GNAI2: variants seen among roughly 807,000 people sequenced by gnomAD.
GNAI2 encodes guanine nucleotide-binding protein G(i) subunit alpha-2.
GNAI2 carries 4 observed loss-of-function variants against 36.8 expected under a neutral mutation model. That is an observed-to-expected ratio of 0.11 (90% CI 0.05 to 0.25). The LOEUF (loss-of-function observed/expected upper bound fraction) is 0.25, where lower values mean the gene tolerates loss of function less well. Among genes scored for constraint, GNAI2 ranks in the 10% least tolerant of loss-of-function variants. GNAI2 has a pLI of 1.00. For synonymous variants in GNAI2, 194 were observed against 194.1 expected (o/e 1.00, Z 0.01); for missense variants, 230 against 481.3 (o/e 0.48, Z 4.89).
chr3:50,232,689 T>G (rs1286946926), upstream of GNAI2, among the ~76,000 whole-genome samples: 2 of 152,178 alleles, frequency 1.3e-5, no homozygotes, highest in Non-Finnish European at 2.9e-5. Flanking sequence ...GGGGGTGATG[T>G]GATTTCTTTC....
rs1553700342 is a variant in GNAI2 at position 50,236,304 on chromosome 3, G to T, written c.-32G>T. 1.5e-6 allele frequency: 2 copies of T among 1,337,438 alleles called. No homozygotes were observed. The highest frequency in any genetic ancestry group is 1.9e-6 in the Non-Finnish European group (2 of 1,045,838). 82.8% of individuals were successfully genotyped at this position (1,337,438 alleles called of 1,614,324 possible). ...GAGCCGGGCCGTGGGCCGTGTGGGGGCCGGGCGGCGGCCGGGCCGGCGGAC... is the reference window on the plus strand; with the variant it reads ...GAGCCGGGCCGTGGGCCGTGTGGGGTCCGGGCGGCGGCCGGGCCGGCGGAC... On this transcript the variant is annotated 5_prime_UTR_variant, in exon 1 of 9. Coordinates refer to ENST00000313601, the MANE Select transcript of GNAI2 (RefSeq NM_002070.4). The surrounding 1 kb of genome is among the most constrained non-coding windows in gnomAD (Gnocchi z 4.0).
rs1553702541 is a variant in GNAI2 at position 50,252,126 on chromosome 3, A to T, written c.145A>T (p.Ile49Phe). The T allele has an allele frequency of 6.2e-7, 1 of 1,613,926 alleles. No individual in the cohort carries two copies. ...LGAGESGKST[I>F]VKQMKIIHED... ...TGCTGGGGAGTCAGGGAAGAGCACC[A>T]TCGTCAAGCAGATGAAGTAAGTGCT... Residue 49 changes from isoleucine to phenylalanine, a missense_variant, in exon 2 of 9, where the codon ATC becomes TTC. Ile to Phe is a conservative substitution (Grantham distance 21, BLOSUM62 0). This residue lies in a region of GNAI2 where 132 missense variants were observed against 247.4 expected (regional missense o/e 0.53). Transcript: ENST00000313601. This position sits in a 1 kb window ranked among gnomAD's most constrained non-coding sequence, Gnocchi z 4.1.
At position 50,242,330 on chromosome 3, in the gene GNAI2, C is replaced by T. The variant is rs182908211; in HGVS notation, c.118+5877C>T. Among the ~76,000 whole-genome samples, 5 of 152,104 alleles carry T rather than the reference C, an allele frequency of 3.3e-5. No homozygotes were observed. The highest frequency in any genetic ancestry group is 7.4e-5 in the Non-Finnish European group (5 of 68,008). On this transcript the variant is annotated intron_variant, in intron 1 of 8. Coordinates refer to ENST00000313601, the MANE Select transcript of GNAI2 (RefSeq NM_002070.4). The surrounding 1 kb of genome is among the most constrained non-coding windows in gnomAD (Gnocchi z 4.8). ...CAAGGTACAGGCCAGGGAGTAGTCT[C>T]ATCTTCCCAGCATCTCAGGCCAGGA...
intron 5 of GNAI2, 198 bp from the exon 6 acceptor site, chr3:50,256,525 G>A (rs1224198769): frequency 4.2e-6 from 3 of 709,124 alleles, no homozygotes; most frequent in Non-Finnish European, 7.3e-6. Context: ...TGCTGCTCCT[G>A]CCTGATGTGG....
At chr3:50,249,133 A>ATGCCCTGGGTAGCTTCCCTGCTGAGTCTG (rs1559771598) in intron 1 of GNAI2, among the ~76,000 whole-genome samples, 7 of 152,120 alleles carry the variant, frequency 4.6e-5, no homozygotes, top group Admixed American at 3.9e-4. Flanking sequence ...CAGGTCCCCC[A>ATGCCCTGGGTAGCTTCCCTGCTGAGTCTG]TGCCCTGGGT....
chr3:50,248,812 C>G (rs1700479756), intron 1 of GNAI2, among the ~76,000 whole-genome samples: 1 of 152,026 alleles, frequency 6.6e-6, no homozygotes, highest in Admixed American at 6.5e-5. Context: ...GAAAATGAAA[C>G]TTGAAGGGGA....
At position 50,236,423 on chromosome 3, in the gene GNAI2, G is replaced by A. The variant is rs781887853; in HGVS notation, c.88G>A (p.Ala30Thr). 2.5e-6 allele frequency: 4 copies of A among 1,579,658 alleles called. No homozygotes were observed. The highest frequency in any genetic ancestry group is 3.4e-6 in the Non-Finnish European group (4 of 1,165,996). ...GAACCTGCGGGAGGACGGAGAGAAG[G>A]CGGCGCGGGAGGTGAAGTTGCTGCT... ...DKNLREDGEK[A>T]AREVKLLLLG... The change falls in exon 1 of 9, where the codon GCG (alanine) becomes ACG (threonine). Residue 30 changes from alanine to threonine, a missense_variant. Ala to Thr is a moderately conservative substitution (Grantham distance 58). Coordinates refer to ENST00000313601, the MANE Select transcript of GNAI2 (RefSeq NM_002070.4). The surrounding 1 kb of genome is among the most constrained non-coding windows in gnomAD (Gnocchi z 4.0).
At position 50,241,716 on chromosome 3, in the gene GNAI2, G is replaced by C. The variant is rs112486347; in HGVS notation, c.118+5263G>C. Among the ~76,000 whole-genome samples, 1 of 152,202 alleles carries C rather than the reference G, an allele frequency of 6.6e-6. No individual in the cohort carries two copies. Among genetic ancestry groups the C allele is most frequent in the African/African-American group, 2.4e-5 (1 of 41,444 alleles). On this transcript the variant is annotated intron_variant, in intron 1 of 8. Coordinates refer to ENST00000313601, the MANE Select transcript of GNAI2 (RefSeq NM_002070.4). The surrounding 1 kb of genome is among the most constrained non-coding windows in gnomAD (Gnocchi z 5.0). ...AAGTCAAACCAGTTGCGGGACACAGGCTTCCATGTCAGAAGCCCTGAGGCA... is the reference window on the plus strand; with the variant it reads ...AAGTCAAACCAGTTGCGGGACACAGCCTTCCATGTCAGAAGCCCTGAGGCA...
At chr3:50,244,782 G>A (rs1700377565) in intron 1 of GNAI2, among the ~76,000 whole-genome samples, 1 of 152,174 alleles carries the variant, frequency 6.6e-6, no homozygotes. Context: ...GCCAGGCCAG[G>A]CCGTAAGGGA....
At chr3:50,237,827 A>AT (rs1429078723) in intron 1 of GNAI2, among the ~76,000 whole-genome samples, 1 of 151,592 alleles carries the variant, frequency 6.6e-6, no homozygotes, top group Non-Finnish European at 1.5e-5. Context: ...TGAGAAGTGC[A>AT]TGGGGGGGTG....
At chr3:50,248,487 A>G (rs1453176116) in intron 1 of GNAI2, among the ~76,000 whole-genome samples, 1 of 152,082 alleles carries the variant, frequency 6.6e-6, no homozygotes, top group African/African-American at 2.4e-5. Flanking sequence ...CATTCCACCC[A>G]GATGCCATCC....
intron 1 of GNAI2, chr3:50,231,096 A>G (rs1700059178): frequency 4.9e-6 from 1 of 203,576 alleles, no homozygotes; most frequent in Non-Finnish European, 8.7e-6. Context: ...GTACTCTTCC[A>G]TCTTCTTGCA....
rs1399134862 is a variant in GNAI2, at chr3:50,253,546, C to T, written c.464+362C>T. Among the ~76,000 whole-genome samples, 1 of 152,138 alleles carries T rather than the reference C, an allele frequency of 6.6e-6. No individual in the cohort carries two copies. Among genetic ancestry groups the T allele is most frequent in the Non-Finnish European group, 1.5e-5 (1 of 68,034 alleles). On this transcript the variant is annotated intron_variant, in intron 4 of 8. Coordinates refer to ENST00000313601, the MANE Select transcript of GNAI2 (RefSeq NM_002070.4). This position sits in a 1 kb window ranked among gnomAD's most constrained non-coding sequence, Gnocchi z 4.2. ...GGTCGTGAGATCAGGAGATCGAGAC[C>T]ATCCTGGCTAACACGGTGAAACCCC... is the stretch of plus-strand genomic sequence containing the variant.
intron 1 of GNAI2, among the ~76,000 whole-genome samples, chr3:50,248,244 CTG>C (rs1700467512): frequency 6.6e-6 from 1 of 152,020 alleles, no homozygotes; most frequent in Non-Finnish European, 1.5e-5. Flanking sequence ...CAGAGCGAGA[CTG>C]TGTTTCAAAA....
At chr3:50,246,733 G>T (rs1046741713) in intron 1 of GNAI2, among the ~76,000 whole-genome samples, 2 of 152,272 alleles carry the variant, frequency 1.3e-5, no homozygotes, top group Non-Finnish European at 2.9e-5. Flanking sequence ...ACCAGTATGG[G>T]GGTTCTCTCC....
chr3:50,231,221 C>T (rs1700060459), upstream of GNAI2, among the ~76,000 whole-genome samples: 2 of 152,240 alleles, frequency 1.3e-5, no homozygotes, highest in African/African-American at 4.8e-5. Context: ...TATACAACTA[C>T]ATGAATATTT....
intron 1 of GNAI2, among the ~76,000 whole-genome samples, chr3:50,250,570 C>T (rs1553702305): frequency 2.0e-5 from 3 of 152,168 alleles, no homozygotes; most frequent in Non-Finnish European, 2.9e-5. Context: ...AGCAGGAGCA[C>T]AGGGTCTGGG....
chr3:50,236,184 G>T (rs1036128609), upstream of GNAI2: 26 of 1,173,098 alleles, frequency 2.2e-5, no homozygotes, highest in African/African-American at 3.2e-4. The surrounding 1 kb of genome is among the most constrained non-coding windows in gnomAD (Gnocchi z 4.0). Context: ...GTGCGCGGCG[G>T]TAGGGAAGGC....
rs1649657297 is a variant in GNAI2, at chr3:50,242,591, C to T, written c.118+6138C>T. Among the ~76,000 whole-genome samples, 1 of 151,864 alleles carries T rather than the reference C, an allele frequency of 6.6e-6. No homozygotes were observed. The highest frequency in any genetic ancestry group is 6.6e-5 in the Admixed American group (1 of 15,254). ...CCCAGCCCTTCTAGCTTGAAGCTCT[C>T]GTTCTTACTAAACCCCAACCCCACC... On this transcript the variant is annotated intron_variant, in intron 1 of 8. Coordinates refer to ENST00000313601, the MANE Select transcript of GNAI2 (RefSeq NM_002070.4). This position sits in a 1 kb window ranked among gnomAD's most constrained non-coding sequence, Gnocchi z 4.8.
Sources: gnomAD v4.1 joint callset for allele counts (sites outside exome capture counted in the v4.1 genomes callset) on GRCh38, gnomAD v4.1.1 for gene constraint, gnomAD v4.1.1 regional missense constraint, Gnocchi (gnomAD v3.1) non-coding constraint, MANE v1.5 for transcripts, NCBI Gene and HGNC (gene_info 2026-07-23, HGNC 2026-07-21) for gene names.